The following NAALADL2 variants were observed in gnomAD, a reference collection of about 807,000 sequenced individuals.
NAALADL2 encodes the protein N-acetylated alpha-linked acidic dipeptidase like 2.
A neutral mutation model predicts 87.2 loss-of-function variants in NAALADL2; 76 were observed. The observed-to-expected ratio is 0.87, with a 90% CI of 0.72 to 1.05. NAALADL2 has a LOEUF of 1.05. NAALADL2 is among the 50% of genes least tolerant of loss of function. The pLI is 0.00. For missense variants in NAALADL2, 1,089 were observed against 945.8 expected (o/e 1.15, Z -1.99); for synonymous variants, 354 against 331.0 (o/e 1.07, Z -0.75).
chr3:175,277,774 A>G (rs548029888), intron 4 of NAALADL2, among the ~76,000 whole-genome samples: 1 of 152,284 alleles, frequency 6.6e-6, no homozygotes, highest in East Asian at 1.9e-4. Context: ...CTTAGCTGCT[A>G]AAAGATACCA....
chr3:174,665,366 A>G (rs950832824), intron 2 of NAALADL2, among the ~76,000 whole-genome samples: 9 of 152,180 alleles, frequency 5.9e-5, no homozygotes, highest in Non-Finnish European at 1.0e-4. Context: ...GATTTACTTT[A>G]GGAAAGACTG....
intron 3 of NAALADL2, among the ~76,000 whole-genome samples, chr3:174,818,857 G>A (rs1188565388): frequency 6.6e-6 from 1 of 151,924 alleles, no homozygotes; most frequent in African/African-American, 2.4e-5. Context: ...GGAGGGAGTG[G>A]GGGCTTAGGC....
At chr3:174,640,557 T>C (rs987546799) in intron 2 of NAALADL2, among the ~76,000 whole-genome samples, 5 of 152,092 alleles carry the variant, frequency 3.3e-5, no homozygotes, top group Admixed American at 6.5e-5. Context: ...GCCTTGACAA[T>C]GTGGGCCAGC....
At position 175,481,013 on chromosome 3, in the gene NAALADL2, T is replaced by C. The variant is rs186661060; in HGVS notation, c.1653+9255T>C. Among the ~76,000 whole-genome samples the C allele has an allele frequency of 2.0e-3, 310 of 152,012 alleles. 1 individual carries two copies. Among genetic ancestry groups the C allele is most frequent in the African/African-American group, 6.3e-3 (260 of 41,552 alleles). ...AGAAACACTGAGAACATTTTTTCTT[T>C]GTGTAATGCATGCAGATTATGTCGT... On this transcript the variant is annotated intron_variant, in intron 9 of 13. Coordinates refer to ENST00000454872, the MANE Select transcript of NAALADL2 (RefSeq NM_207015.3).
At chr3:175,756,036 G>A (rs1212346911) in intron 13 of NAALADL2, among the ~76,000 whole-genome samples, 1 of 151,994 alleles carries the variant, frequency 6.6e-6, no homozygotes, top group Admixed American at 6.6e-5. Context: ...TATAGTAGAA[G>A]ATAAATGAAG....
intron 13 of NAALADL2, among the ~76,000 whole-genome samples, chr3:175,802,022 T>TA (rs5854658): frequency 0.011 from 1,692 of 152,224 alleles, 38 homozygotes; most frequent in African/African-American, 0.039. Flanking sequence ...CAACAATTAT[T>TA]AACTAATGGT....
intron 11 of NAALADL2, among the ~76,000 whole-genome samples, chr3:175,685,323 G>C (rs929575987): frequency 6.6e-6 from 1 of 152,102 alleles, no homozygotes; most frequent in Non-Finnish European, 1.5e-5. Flanking sequence ...TTTTGTGCTA[G>C]TCTGTGTATT....
chr3:174,774,666 A>G (rs929151670), intron 3 of NAALADL2, among the ~76,000 whole-genome samples: 3 of 152,144 alleles, frequency 2.0e-5, no homozygotes, highest in Admixed American at 6.6e-5. Context: ...AATACTTAGC[A>G]TCTTTGGCAG....
At chr3:174,642,410 A>G (rs1723292777) in intron 2 of NAALADL2, among the ~76,000 whole-genome samples, 1 of 151,660 alleles carries the variant, frequency 6.6e-6, no homozygotes. Flanking sequence ...CTGAGGCACA[A>G]GAATCTCTTG....
chr3:175,524,350 G>A (rs963462629), intron 9 of NAALADL2, among the ~76,000 whole-genome samples: 6 of 152,114 alleles, frequency 3.9e-5, no homozygotes, highest in Non-Finnish European at 8.8e-5. Context: ...GACAGTATAA[G>A]ATCTTTGAAT....
chr3:175,350,523 G>A (rs888904603), intron 5 of NAALADL2, among the ~76,000 whole-genome samples: 2 of 152,162 alleles, frequency 1.3e-5, no homozygotes, highest in Non-Finnish European at 2.9e-5. Context: ...ATTCCAGAAG[G>A]GTAGGGGTGG....
At chr3:174,951,986 A>G (rs752063775) in intron 1 of NAALADL2, among the ~76,000 whole-genome samples, 1 of 152,124 alleles carries the variant, frequency 6.6e-6, no homozygotes, top group Admixed American at 6.6e-5. Flanking sequence ...GCCTCTGAAC[A>G]TGCTTTTTCT....
chr3:174,807,633 G>A (rs1719660284), intron 3 of NAALADL2, among the ~76,000 whole-genome samples: 1 of 152,080 alleles, frequency 6.6e-6, no homozygotes, highest in South Asian at 2.1e-4. Context: ...CTAGAAATGA[G>A]CAGAACAGCG....
At chr3:175,800,483 A>C (rs978907222) in intron 13 of NAALADL2, among the ~76,000 whole-genome samples, 1 of 151,628 alleles carries the variant, frequency 6.6e-6, no homozygotes, top group African/African-American at 2.4e-5. Flanking sequence ...TATTAGAGAT[A>C]GTTCCCATTT....
intron 2 of NAALADL2, among the ~76,000 whole-genome samples, chr3:174,552,600 G>T (rs1712256976): frequency 6.6e-6 from 1 of 151,790 alleles, no homozygotes; most frequent in Non-Finnish European, 1.5e-5. Context: ...TTTGAGACCA[G>T]CCTGGGAAAC....
At chr3:174,545,880 C>T (rs1386091363) in intron 1 of NAALADL2, among the ~76,000 whole-genome samples, 1 of 149,768 alleles carries the variant, frequency 6.7e-6, no homozygotes, top group Non-Finnish European at 1.5e-5. Context: ...TGTGATTATT[C>T]CTATTGTATG....
intron 9 of NAALADL2, among the ~76,000 whole-genome samples, chr3:175,504,160 A>T (rs570664218): frequency 1.3e-5 from 2 of 152,164 alleles, no homozygotes; most frequent in Non-Finnish European, 2.9e-5. Context: ...TTATCCCAAT[A>T]CTTTTTATTG....
chr3:175,592,704 A>C (rs1231266660), intron 10 of NAALADL2, among the ~76,000 whole-genome samples: 2 of 133,008 alleles, frequency 1.5e-5, no homozygotes, highest in Non-Finnish European at 3.1e-5. Context: ...ACACATGGAC[A>C]CAGGAGGGGG....
chr3:175,323,368 T>C (rs1224940410), intron 4 of NAALADL2, among the ~76,000 whole-genome samples: 1 of 139,080 alleles, frequency 7.2e-6, no homozygotes. Context: ...GGGATAGCAT[T>C]GGGAGATATA....
Sources: allele counts gnomAD v4.1 joint callset (sites outside exome capture counted in the v4.1 genomes callset), GRCh38; gene constraint gnomAD v4.1.1; transcripts MANE v1.5; gene names NCBI Gene and HGNC (gene_info 2026-07-23, HGNC 2026-07-21).